GNG7: variants seen among roughly 807,000 people sequenced by gnomAD.
GNG7 encodes guanine nucleotide-binding protein G(I)/G(S)/G(O) subunit gamma-7.
Under a neutral mutation model 4.0 loss-of-function variants are expected in GNG7, and 1 was observed. That is an observed-to-expected ratio of 0.25 (90% CI 0.09 to 1.18). The LOEUF is 1.18. GNG7 is among the 50% of genes most tolerant of loss of function. The pLI is 0.50. For missense variants in GNG7, 86 were observed against 91.9 expected (o/e 0.94, Z 0.26); for synonymous variants, 34 against 36.9 (o/e 0.92, Z 0.29).
At chr19:2,655,694 C>G (rs974631359) in intron 1 of GNG7, among the ~76,000 whole-genome samples, 1 of 151,792 alleles carries the variant, frequency 6.6e-6, no homozygotes, top group African/African-American at 2.4e-5. Context: ...AAAAAATTAG[C>G]CGGGCGTGGT....
intron 2 of GNG7, among the ~76,000 whole-genome samples, chr19:2,567,114 A>T (rs1455896516): frequency 1.5e-5 from 1 of 65,304 alleles, no homozygotes; most frequent in East Asian, 1.2e-3. Context: ...TCCGTCTCAA[A>T]AAAAAAAACA....
chr19:2,658,661 T>A (rs1983058732), intron 1 of GNG7, among the ~76,000 whole-genome samples: 1 of 152,212 alleles, frequency 6.6e-6, no homozygotes, highest in African/African-American at 2.4e-5. Context: ...ATGAGCCAGA[T>A]GCAAAAGGAC....
rs139449684 is a variant in GNG7 at position 2,651,574 on chromosome 19, TC to T, written c.-134-5295del. Among the ~76,000 whole-genome samples the T allele has an allele frequency of 1.1e-3, 150 of 142,238 alleles. 1 individual carries two copies. Among genetic ancestry groups the T allele is most frequent in the African/African-American group, 2.7e-3 (103 of 38,004 alleles). The allele number at this position is 142,238 out of a possible 152,430, so 93.3% of individuals were successfully genotyped here. A position where few individuals can be genotyped will look rare whatever the true frequency, so the allele number is the denominator to read the frequency against. ...CTCCCTTTCTCTCTCTCTCTCTCTCTCTTTTTTTTTTAAGACAGTCTCACTC... is the reference window on the plus strand; with the variant it reads ...CTCCCTTTCTCTCTCTCTCTCTCTCTTTTTTTTTTTAAGACAGTCTCACTC... On this transcript the variant is annotated intron_variant, in intron 1 of 4. Transcript: ENST00000382159.
Position 2,661,302 on chromosome 19 carries a change from G to GAAAGAGAAAGAAAGAA in GNG7, c.-134-15023_-134-15022insTTCTTTCTTTCTCTTT. Among the ~76,000 whole-genome samples the GAAAGAGAAAGAAAGAA allele has an allele frequency of 2.7e-5, 2 of 73,120 alleles. 1 individual carries two copies. The highest frequency in any genetic ancestry group is 1.1e-4 in the African/African-American group (2 of 18,500). The allele number at this position is 73,120 out of a possible 152,430, so 48.0% of individuals were successfully genotyped here. On this transcript the variant is annotated intron_variant, in intron 1 of 4. Coordinates refer to ENST00000382159, the MANE Select transcript of GNG7 (RefSeq NM_052847.3). ...AGAAAGAAAGAAAGAAAGAAAGAAA[G>GAAAGAGAAAGAAAGAA]AGAAAGAAAGAAAGAAAGAAAGAAA... is the stretch of plus-strand genomic sequence containing the variant.
chr19:2,651,286 A>ATCCCTCCCTCCCTACCT (rs1982812305), intron 1 of GNG7, among the ~76,000 whole-genome samples: 2 of 18,482 alleles, frequency 1.1e-4, no homozygotes, highest in Non-Finnish European at 2.6e-4. Flanking sequence ...CCCTCCCTCC[A>ATCCCTCCCTCCCTACCT]TCCCTCCCTC....
chr19:2,683,999 G>A (rs1359156841), intron 1 of GNG7, among the ~76,000 whole-genome samples: 3 of 152,194 alleles, frequency 2.0e-5, no homozygotes, highest in African/African-American at 7.2e-5. Flanking sequence ...GGGCACAGAA[G>A]TGCGACCAGC....
chr19:2,671,471 C>A (rs1983450079), intron 1 of GNG7, among the ~76,000 whole-genome samples: 3 of 152,128 alleles, frequency 2.0e-5, no homozygotes, highest in African/African-American at 7.2e-5. Flanking sequence ...GCCTCACACG[C>A]TTCCCCCAGC....
chr19:2,551,736 T>G (rs1599385904), intron 3 of GNG7, among the ~76,000 whole-genome samples: 1 of 144,104 alleles, frequency 6.9e-6, no homozygotes, highest in Non-Finnish European at 1.5e-5. Flanking sequence ...CAGGCTGGAG[T>G]GCAACGGCAC....
chr19:2,568,318 CACACACATAT>C (rs1458523001), intron 2 of GNG7, among the ~76,000 whole-genome samples: 2 of 151,162 alleles, frequency 1.3e-5, no homozygotes, highest in Non-Finnish European at 2.9e-5. Flanking sequence ...TACACACGCA[CACACACATAT>C]ACACACATAT....
chr19:2,583,288 T>A (rs949191989), intron 2 of GNG7, among the ~76,000 whole-genome samples: 1 of 152,160 alleles, frequency 6.6e-6, no homozygotes, highest in Non-Finnish European at 1.5e-5. Flanking sequence ...TCTGAAAAAA[T>A]TTTTTAGCAA....
At chr19:2,568,066 CATACACACAT>C (rs1369084440) in intron 2 of GNG7, among the ~76,000 whole-genome samples, 1 of 151,564 alleles carries the variant, frequency 6.6e-6, no homozygotes, top group Non-Finnish European at 1.5e-5. Context: ...CACATATAGA[CATACACACAT>C]ATACACATGC....
At chr19:2,593,913 C>T (rs1173065440) in intron 2 of GNG7, among the ~76,000 whole-genome samples, 3 of 114,436 alleles carry the variant, frequency 2.6e-5, no homozygotes, top group African/African-American at 1.0e-4. Context: ...AGAGGCAGGC[C>T]GAAATATTTG....
chr19:2,667,447 G>A (rs1344199761), intron 1 of GNG7, among the ~76,000 whole-genome samples: 1 of 152,112 alleles, frequency 6.6e-6, no homozygotes, highest in African/African-American at 2.4e-5. Context: ...ACCTCTATGT[G>A]CTCGCCAGAA....
chr19:2,676,534 C>T (rs530992722), intron 1 of GNG7, among the ~76,000 whole-genome samples: 2 of 152,298 alleles, frequency 1.3e-5, no homozygotes, highest in Non-Finnish European at 1.5e-5. Flanking sequence ...ACCTCAGCCT[C>T]CCAAGGAACT....
intron 2 of GNG7, among the ~76,000 whole-genome samples, chr19:2,572,582 C>A (rs959629687): frequency 1.3e-5 from 2 of 150,788 alleles, no homozygotes; most frequent in Admixed American, 1.3e-4. Flanking sequence ...CAGGTGTAAG[C>A]CACCGCGCCC....
chr19:2,674,596 C>A lies in GNG7; in HGVS notation c.-135+28050G>T, dbSNP rs568633072. On this transcript the variant is annotated intron_variant, in intron 1 of 4. Coordinates refer to ENST00000382159, the MANE Select transcript of GNG7 (RefSeq NM_052847.3). The stretch of plus-strand genomic sequence containing the variant: ...GATTACAGGCGCCCACAACCATGCC[C>A]GGCTAATTTTTGCATTTTTAGTAGA... 9.9e-5 allele frequency among the ~76,000 whole-genome samples: 15 copies of A among 152,144 alleles called. No homozygotes were observed. The East Asian group carries it at 2.3e-3, about 24-fold the overall frequency.
intron 1 of GNG7, among the ~76,000 whole-genome samples, chr19:2,652,139 C>T (rs901633003): frequency 1.3e-5 from 2 of 151,516 alleles, no homozygotes; most frequent in African/African-American, 4.8e-5. Flanking sequence ...CGCACTACTG[C>T]ACTCTAGCCT....
chr19:2,574,086 C>T lies in GNG7; in HGVS notation c.-77-18898G>A, dbSNP rs571322738. ...GGGTGCCTGGGTCTGGCCCAGAGCC[C>T]GTCACACCTGGGCTGGTGCAGTCCA... On this transcript the variant is annotated intron_variant, in intron 2 of 4. Coordinates refer to ENST00000382159, the MANE Select transcript of GNG7 (RefSeq NM_052847.3). Among the ~76,000 whole-genome samples the T allele has an allele frequency of 2.6e-3, 399 of 152,272 alleles. 1 individual carries two copies. The highest frequency in any genetic ancestry group is 0.01 in the Middle Eastern group (3 of 294).
Position 2,609,302 on chromosome 19 carries a change from G to A in GNG7, c.-78+36922C>T, listed in dbSNP as rs1981490368. Among the ~76,000 whole-genome samples, 1 of 152,130 alleles carries A rather than the reference G, an allele frequency of 6.6e-6. No homozygotes were observed. The highest frequency in any genetic ancestry group is 2.1e-4 in the South Asian group (1 of 4,830). ...AGTGTCCTGTGGAGCTGGGACTACA[G>A]GCACGTACCACCCCACCCAGCTAAT... On this transcript the variant is annotated intron_variant, in intron 2 of 4. Transcript: ENST00000382159. The surrounding 1 kb of genome is among the most constrained non-coding windows in gnomAD (Gnocchi z 4.4).
Sources: gnomAD v4.1 joint callset for allele counts (sites outside exome capture counted in the v4.1 genomes callset) on GRCh38, gnomAD v4.1.1 for gene constraint, Gnocchi (gnomAD v3.1) non-coding constraint, MANE v1.5 for transcripts, NCBI Gene and HGNC (gene_info 2026-07-23, HGNC 2026-07-21) for gene names.